Variants in CMIP observed in about 807,000 individuals in gnomAD.
CMIP encodes c-Maf inducing protein.
A neutral mutation model predicts 97.3 loss-of-function variants in CMIP; 13 were observed. The observed-to-expected ratio is 0.13, with a 90% confidence interval of 0.09 to 0.21. CMIP has a LOEUF of 0.21. CMIP is among the 10% of genes least tolerant of loss of function. The pLI, the probability that CMIP is intolerant of heterozygous loss-of-function variation, is 1.00. For synonymous variants in CMIP, 538 were observed against 436.3 expected, an observed-to-expected ratio of 1.23 and a Z score of -2.91; for missense variants, 847 against 1,024.9, an observed-to-expected ratio of 0.83 and a Z score of 2.37.
intron 7 of CMIP, chr16:81,666,720 T>G (rs912413205): frequency 6.6e-6 from 1 of 152,196 alleles, no homozygotes; most frequent in Non-Finnish European, 1.5e-5. Context: ...TTACACACCA[T>G]GAGCGGCGGC....
At chr16:81,518,524 T>A (rs1039126201) in intron 1 of CMIP, 3 of 152,328 alleles carry the variant, frequency 2.0e-5, no homozygotes, top group African/African-American at 7.2e-5. Context: ...AGGGAAGTGA[T>A]GTACGCTGAG....
At chr16:81,569,185 A>T (rs534625559) in intron 1 of CMIP, among the ~76,000 whole-genome samples, 2 of 152,018 alleles carry the variant, frequency 1.3e-5, no homozygotes, top group Non-Finnish European at 2.9e-5. Flanking sequence ...TCTCCCCATC[A>T]CCCTGTATCC....
chr16:81,560,162 G>GAAAA (rs370946622), intron 1 of CMIP, among the ~76,000 whole-genome samples: 1 of 129,986 alleles, frequency 7.7e-6, no homozygotes, highest in African/African-American at 2.8e-5. Context: ...AAAAAAAAAA[G>GAAAA]AAAAAGAAAA....
chr16:81,597,594 G>C (rs78328477), intron 1 of CMIP, among the ~76,000 whole-genome samples: 14 of 79,676 alleles, frequency 1.8e-4, no homozygotes, highest in East Asian at 6.7e-4. Flanking sequence ...CGAGGGGAGC[G>C]GGGGGGGGGG....
intron 4 of CMIP, 137 bp from the exon 5 acceptor site, chr16:81,657,638 T>A: frequency 2.8e-6 from 2 of 718,870 alleles, no homozygotes; most frequent in African/African-American, 1.8e-5. Flanking sequence ...ATCTGTTTAA[T>A]TAAGAAAAAA....
intron 2 of CMIP, among the ~76,000 whole-genome samples, chr16:81,609,673 G>C (rs1347480137): frequency 6.6e-6 from 1 of 152,218 alleles, no homozygotes; most frequent in Non-Finnish European, 1.5e-5. Context: ...CCAGACAGGG[G>C]GCATTTGAAC....
intron 1 of CMIP, among the ~76,000 whole-genome samples, chr16:81,597,349 C>G (rs183506252): frequency 7.2e-5 from 11 of 152,346 alleles, no homozygotes; most frequent in Admixed American, 7.2e-4. Flanking sequence ...GGTAACCCCT[C>G]TGGTCTTTAA....
chr16:81,649,572 G>C (rs1309877806), intron 3 of CMIP, among the ~76,000 whole-genome samples: 1 of 152,210 alleles, frequency 6.6e-6, no homozygotes, highest in East Asian at 1.9e-4. Flanking sequence ...GCTATTTCTG[G>C]GTTGTGGGAT....
chr16:81,485,844 G>C (rs753234188), intron 1 of CMIP, among the ~76,000 whole-genome samples: 1 of 152,202 alleles, frequency 6.6e-6, no homozygotes, highest in Non-Finnish European at 1.5e-5. Flanking sequence ...GCTAATGAAT[G>C]ATAGAGCTGG....
At chr16:81,554,690 C>G (rs538347840) in intron 1 of CMIP, among the ~76,000 whole-genome samples, 16 of 152,292 alleles carry the variant, frequency 1.1e-4, no homozygotes, top group African/African-American at 3.6e-4. Context: ...CCTGCAGCCA[C>G]TTCTCTGGCT....
intron 1 of CMIP, among the ~76,000 whole-genome samples, chr16:81,569,945 T>A (rs1362704682): frequency 6.6e-6 from 1 of 150,786 alleles, no homozygotes; most frequent in Admixed American, 6.6e-5. Context: ...TGCACTTAAC[T>A]TTCATTCATT....
intron 1 of CMIP, among the ~76,000 whole-genome samples, chr16:81,580,762 A>G (rs1422100456): frequency 1.1e-4 from 16 of 151,876 alleles, no homozygotes; most frequent in Admixed American, 1.0e-3. Flanking sequence ...ATGCCACTGC[A>G]CTCCAGCCTG....
At chr16:81,692,136 C>A (rs962468369) in intron 11 of CMIP, among the ~76,000 whole-genome samples, 7 of 152,212 alleles carry the variant, frequency 4.6e-5, no homozygotes, top group Non-Finnish European at 1.0e-4. Context: ...CCCATGGCTC[C>A]TGGCAGGCCG....
At chr16:81,687,113 A>C (rs1255470015) in intron 10 of CMIP, among the ~76,000 whole-genome samples, 1 of 152,100 alleles carries the variant, frequency 6.6e-6, no homozygotes, top group Non-Finnish European at 1.5e-5. Context: ...GAGACTCAAC[A>C]TCCCTTCTGC....
At chr16:81,657,626 T>A in intron 4 of CMIP, 149 bp from the exon 5 acceptor site, 1 of 646,748 alleles carries the variant, frequency 1.5e-6, no homozygotes, top group East Asian at 3.0e-5. Context: ...GAGGGTGTTC[T>A]GATCTGTTTA....
At chr16:81,483,136 T>C (rs1035328800) in intron 1 of CMIP, among the ~76,000 whole-genome samples, 2 of 152,150 alleles carry the variant, frequency 1.3e-5, no homozygotes, top group Non-Finnish European at 2.9e-5. Context: ...GGGGAGGGTG[T>C]GGCGTCTGTG....
At chr16:81,523,208 C>T (rs1000110787) in intron 1 of CMIP, among the ~76,000 whole-genome samples, 9 of 152,350 alleles carry the variant, frequency 5.9e-5, no homozygotes, top group African/African-American at 2.2e-4. Flanking sequence ...GTGTGAGCTA[C>T]CGCGCTTTGC....
chr16:81,502,307 T>C (rs900397418), intron 1 of CMIP, among the ~76,000 whole-genome samples: 1 of 152,202 alleles, frequency 6.6e-6, no homozygotes, highest in African/African-American at 2.4e-5. Context: ...ACACTTGTAG[T>C]CCTAGTAAAG....
At chr16:81,579,626 C>T (rs951316876) in intron 1 of CMIP, among the ~76,000 whole-genome samples, 4 of 151,034 alleles carry the variant, frequency 2.6e-5, no homozygotes, top group South Asian at 2.1e-4. Flanking sequence ...CCCTGCTCCC[C>T]CCTGAAGGCA....
Sources: gnomAD v4.1 joint callset for allele counts (sites outside exome capture counted in the v4.1 genomes callset) on GRCh38, gnomAD v4.1.1 for gene constraint, MANE v1.5 for transcripts, NCBI Gene and HGNC (gene_info 2026-07-23, HGNC 2026-07-21) for gene names.